Variants in PPFIA2 observed in about 807,000 individuals in gnomAD.
PPFIA2 encodes the protein liprin-alpha-2.
Under a neutral mutation model 175.5 loss-of-function variants are expected in PPFIA2, and 46 were observed. The ratio of observed to expected loss-of-function variants is 0.26; its 90% CI spans 0.21 to 0.34. The LOEUF (loss-of-function observed/expected upper bound fraction) is 0.34, where lower values mean the gene tolerates loss of function less well. PPFIA2 is among the 10% of genes least tolerant of loss of function. PPFIA2 has a pLI of 1.00. For missense variants in PPFIA2, 1,179 were observed against 1,506.1 expected (o/e 0.78, Z 3.60); for synonymous variants, 568 against 511.4 (o/e 1.11, Z -1.49).
At chr12:81,738,104 C>T (rs999360336) in intron 3 of PPFIA2, among the ~76,000 whole-genome samples, 13 of 150,332 alleles carry the variant, frequency 8.6e-5, no homozygotes, top group African/African-American at 3.2e-4. Context: ...TCTAAAGCAG[C>T]CAAAAAGATT....
chr12:81,414,418 C>T lies in PPFIA2; in HGVS notation c.646-8515G>A, dbSNP rs183285922. 3.8e-3 allele frequency among the ~76,000 whole-genome samples: 580 copies of T among 151,586 alleles called. 1 individual carries two copies. Among genetic ancestry groups the T allele is most frequent in the Non-Finnish European group, 6.8e-3 (459 of 67,668 alleles). On this transcript the variant is annotated intron_variant, in intron 7 of 32. Transcript: ENST00000549396. Reference sequence around the variant, plus strand: ...TTACTGATTATTTTCATTTATAACTCGTATACAGCATAAGCACTTAAACTT... The same window carrying T: ...TTACTGATTATTTTCATTTATAACTTGTATACAGCATAAGCACTTAAACTT...
At chr12:81,602,666 A>G (rs540570586) in intron 4 of PPFIA2, among the ~76,000 whole-genome samples, 1 of 151,998 alleles carries the variant, frequency 6.6e-6, no homozygotes, top group South Asian at 2.1e-4. Flanking sequence ...ACCTAAATCT[A>G]TAATTTGAGT....
At chr12:81,739,455 A>G (rs2082065543) in intron 3 of PPFIA2, among the ~76,000 whole-genome samples, 1 of 152,032 alleles carries the variant, frequency 6.6e-6, no homozygotes, top group African/African-American at 2.4e-5. Flanking sequence ...ACTTTTCTAT[A>G]TACAAAATTA....
chr12:81,349,591 C>T lies in PPFIA2; in HGVS notation c.1995-1821G>A, dbSNP rs148713370. Among the ~76,000 whole-genome samples, 196 of 151,792 alleles carry T rather than the reference C, an allele frequency of 1.3e-3. 2 individuals carry two copies. The highest frequency in any genetic ancestry group is 4.0e-3 in the African/African-American group (164 of 41,324). On this transcript the variant is annotated intron_variant, in intron 17 of 32. Coordinates refer to ENST00000549396, the MANE Select transcript of PPFIA2 (RefSeq NM_003625.5). ...AAATAAAAATGTAAAAAAAAGAAGA[C>T]ATTTTGTACTTTTAAAATACTTAGT...
intron 4 of PPFIA2, among the ~76,000 whole-genome samples, chr12:81,462,690 A>T (rs944879808): frequency 6.7e-6 from 1 of 150,268 alleles, no homozygotes; most frequent in African/African-American, 2.4e-5. Context: ...CTTCAAAGAG[A>T]TCTGCAGTAT....
chr12:81,465,815 TTGC>T (rs1385604085), intron 4 of PPFIA2, among the ~76,000 whole-genome samples: 3 of 152,194 alleles, frequency 2.0e-5, no homozygotes, highest in African/African-American at 7.2e-5. Flanking sequence ...CTTAGTATAT[TTGC>T]TGGTAAAAAT....
At chr12:81,355,275 G>A (rs2060710744) in intron 16 of PPFIA2, among the ~76,000 whole-genome samples, 1 of 152,130 alleles carries the variant, frequency 6.6e-6, no homozygotes, top group African/African-American at 2.4e-5. Flanking sequence ...TTTCTGAGCA[G>A]TAAGTCTCAA....
At chr12:81,262,594 G>T (rs1348286566) in intron 31 of PPFIA2, among the ~76,000 whole-genome samples, 1 of 152,138 alleles carries the variant, frequency 6.6e-6, no homozygotes, top group African/African-American at 2.4e-5. Flanking sequence ...CTCCCAAACA[G>T]AAATAATTTT....
intron 4 of PPFIA2, among the ~76,000 whole-genome samples, chr12:81,646,219 A>G (rs1241106087): frequency 6.6e-6 from 1 of 152,186 alleles, no homozygotes; most frequent in Non-Finnish European, 1.5e-5. Flanking sequence ...CTACAATGAT[A>G]TAGTATATTG....
chr12:81,721,954 A>G (rs944836907), intron 3 of PPFIA2, among the ~76,000 whole-genome samples: 1 of 151,140 alleles, frequency 6.6e-6, no homozygotes, highest in Non-Finnish European at 1.5e-5. Context: ...TATTACTATT[A>G]TTATTATTTA....
At chr12:81,401,883 T>C (rs10862305) in intron 8 of PPFIA2, among the ~76,000 whole-genome samples, 24,374 of 152,158 alleles carry the variant, frequency 0.16, 2,707 homozygotes, top group East Asian at 0.42. Flanking sequence ...TATATTCTTC[T>C]CAATCAGTTA....
At chr12:81,702,687 G>A (rs7298588) in intron 3 of PPFIA2, among the ~76,000 whole-genome samples, 49,755 of 151,946 alleles carry the variant, frequency 0.33, 9,034 homozygotes, top group Middle Eastern at 0.49. Context: ...CTAAATTCCA[G>A]TTGTTATAGA....
intron 3 of PPFIA2, among the ~76,000 whole-genome samples, chr12:81,717,921 C>A (rs1004190517): frequency 1.3e-5 from 2 of 151,464 alleles, no homozygotes; most frequent in African/African-American, 2.4e-5. Flanking sequence ...TCAAATTGAT[C>A]CCATGGAGAA....
chr12:81,606,602 A>G (rs1452867851), intron 4 of PPFIA2, among the ~76,000 whole-genome samples: 1 of 151,928 alleles, frequency 6.6e-6, no homozygotes, highest in African/African-American at 2.4e-5. Flanking sequence ...TTTGCTGGCC[A>G]CTTGAATGTC....
At position 81,642,739 on chromosome 12, in the gene PPFIA2, A is replaced by ACG. The variant is rs2065343684; in HGVS notation, c.303+34051_303+34052insCG. 6.8e-5 allele frequency among the ~76,000 whole-genome samples: 5 copies of ACG among 73,516 alleles called. 1 individual carries two copies. Among genetic ancestry groups the ACG allele is most frequent in the African/African-American group, 2.3e-4 (5 of 21,628 alleles). The allele number at this position is 73,516 out of a possible 152,430, so 48.2% of individuals were successfully genotyped here. A position where few individuals can be genotyped will look rare whatever the true frequency, so the allele number is the denominator to read the frequency against. ...GTATTATATACATACATGTATATGT[A>ACG]TGTATGTATTATATACATACATGTA... On this transcript the variant is annotated intron_variant, in intron 4 of 32. Transcript: ENST00000549396.
intron 17 of PPFIA2, among the ~76,000 whole-genome samples, chr12:81,349,827 G>A (rs1208190053): frequency 6.6e-6 from 1 of 152,082 alleles, no homozygotes; most frequent in African/African-American, 2.4e-5. Flanking sequence ...CATTGCTGTG[G>A]CAAATGAGTT....
At chr12:81,372,513 G>GAAAAAAAAAAAAAAAAAAAAAAAA (rs3075257) in intron 11 of PPFIA2, among the ~76,000 whole-genome samples, 1 of 93,632 alleles carries the variant, frequency 1.1e-5, no homozygotes, top group Admixed American at 1.1e-4. Flanking sequence ...AATTGAAACA[G>GAAAAAAAAAAAAAAAAAAAAAAAA]AAAAAAAAAA....
chr12:81,358,110 C>T lies in PPFIA2; in HGVS notation c.1745G>A (p.Arg582His), dbSNP rs944124445. The T allele has an allele frequency of 1.4e-5, 23 of 1,605,194 alleles. No homozygotes were observed. The highest frequency in any genetic ancestry group is 1.7e-5 in the Admixed American group (1 of 59,148). Residue 582 changes from arginine to histidine, a missense_variant, in exon 16 of 33, where the codon CGC becomes CAC. Arg to His is a conservative substitution (Grantham distance 29). Coordinates refer to ENST00000549396, the MANE Select transcript of PPFIA2 (RefSeq NM_003625.5). The part of the protein sequence containing the change: ...TKVIRRPRRG[R>H]MGVRRDEPKV... ...TGGCTCATCTCTTCGCACACCCATG[C>T]GGCCTCTCCTTGGTCTTCTTATTAC...
intron 4 of PPFIA2, among the ~76,000 whole-genome samples, chr12:81,477,708 T>C (rs2146535325): frequency 6.6e-6 from 1 of 152,316 alleles, no homozygotes; most frequent in Non-Finnish European, 1.5e-5. Context: ...ATTACATTTA[T>C]TGATTTGCAT....
Sources: allele counts gnomAD v4.1 joint callset (sites outside exome capture counted in the v4.1 genomes callset), GRCh38; gene constraint gnomAD v4.1.1; transcripts MANE v1.5; gene names NCBI Gene and HGNC (gene_info 2026-07-23, HGNC 2026-07-21).